The following TTLL6 variants were observed in gnomAD, a reference collection of about 807,000 sequenced individuals.
TTLL6 encodes tubulin tyrosine ligase like 6, also known as tubulin polyglutamylase TTLL6.
TTLL6 carries 75 observed loss-of-function variants against 96.4 expected under a neutral mutation model. The ratio of observed to expected loss-of-function variants is 0.78; its 90% CI spans 0.65 to 0.94. The LOEUF is 0.94. TTLL6 is among the 40% of genes least tolerant of loss of function. The probability of loss-of-function intolerance (pLI) is 0.00; values close to 1 mark genes in which losing one functional copy is unlikely to be tolerated. For missense variants in TTLL6, 1,030 were observed against 1,093.0 expected (o/e 0.94, Z 0.81); for synonymous variants, 411 against 419.4 (o/e 0.98, Z 0.24).
chr17:48,794,690 C>T (rs2039287668), intron 8 of TTLL6, among the ~76,000 whole-genome samples: 1 of 152,194 alleles, frequency 6.6e-6, no homozygotes, highest in Non-Finnish European at 1.5e-5. Flanking sequence ...CTTCCACATC[C>T]CCTTTAAGCA....
At chr17:48,768,890 T>G (rs1246219588) in intron 15 of TTLL6, 99 bp downstream of exon 15, 9 of 1,281,998 alleles carry the variant, frequency 7.0e-6, no homozygotes, top group Non-Finnish European at 9.9e-6. Context: ...CTGTATGTCT[T>G]TATCAATCCA....
chr17:48,780,116 A>C (rs558991118), intron 13 of TTLL6, among the ~76,000 whole-genome samples: 1 of 152,256 alleles, frequency 6.6e-6, no homozygotes, highest in African/African-American at 2.4e-5. Flanking sequence ...AGAATGAGAT[A>C]TATAATCAAA....
intron 11 of TTLL6, among the ~76,000 whole-genome samples, chr17:48,786,943 C>T (rs2039111562): frequency 6.6e-6 from 1 of 150,662 alleles, no homozygotes; most frequent in Non-Finnish European, 1.5e-5. Flanking sequence ...TAATTCTCTG[C>T]CTCAGCCTCC....
Position 48,817,218 on chromosome 17 carries a change from C to T in TTLL6, c.-146G>A, listed in dbSNP as rs955834938. 3 of 559,440 alleles carry T rather than the reference C, an allele frequency of 5.4e-6. No homozygotes were observed. The highest frequency in any genetic ancestry group is 9.0e-6 in the Non-Finnish European group (3 of 333,174). The allele number at this position is 559,440 out of a possible 1,614,324, so 34.7% of individuals were successfully genotyped here. ...CCCCTCCCTCCCGAATCCAATTAAC[C>T]GCCCAGGCGCTAGGGGAGGGGCGCG... On this transcript the variant is annotated 5_prime_UTR_variant, in exon 1 of 16. Coordinates refer to ENST00000393382, the MANE Select transcript of TTLL6 (RefSeq NM_001130918.3).
chr17:48,766,423 C>T (rs1244757925), intron 15 of TTLL6, among the ~76,000 whole-genome samples: 1 of 152,192 alleles, frequency 6.6e-6, no homozygotes, highest in Non-Finnish European at 1.5e-5. Context: ...CTAAATTCAA[C>T]GGTCAATGCA....
Position 48,785,202 on chromosome 17 carries a change from C to G in TTLL6, c.1762-1G>C, listed in dbSNP as rs200871871. ...ATACTAATGTCAATGGCTGGATGTA[C>G]TGAGGGAGGAAGAAACCACAACACA... On this transcript the variant is annotated splice_acceptor_variant, in intron 12 of 15. Coordinates refer to ENST00000393382, the MANE Select transcript of TTLL6 (RefSeq NM_001130918.3). LOFTEE classifies it high-confidence loss of function. 22 of 1,614,072 alleles carry G rather than the reference C, an allele frequency of 1.4e-5. No homozygotes were observed. The highest frequency in any genetic ancestry group is 1.7e-5 in the Non-Finnish European group (20 of 1,180,022).
intron 8 of TTLL6, chr17:48,794,086 C>A (rs541753540): frequency 6.6e-7 from 1 of 1,505,328 alleles, no homozygotes; most frequent in Non-Finnish European, 9.0e-7. Flanking sequence ...CGGGGGCACA[C>A]GGCTGCTCCA....
intron 8 of TTLL6, chr17:48,794,248 C>T: frequency 6.2e-7 from 1 of 1,613,924 alleles, no homozygotes; most frequent in Non-Finnish European, 8.5e-7. Context: ...CAGCCGAGGG[C>T]CCAGGGCCTG....
Position 48,799,639 on chromosome 17 carries a change from CT to C in TTLL6, c.732del (p.Glu246ArgfsTer3). The C allele has an allele frequency of 6.4e-7, 1 of 1,551,994 alleles. No individual in the cohort carries two copies. Among genetic ancestry groups the C allele is most frequent in the East Asian group, 2.4e-5 (1 of 40,922 alleles). ...TACAGCTGACAGATCATATCCTCCCCTGGTTTGATTTCTTTCACTGTCCGGG... is the reference window on the plus strand; with the variant it reads ...TACAGCTGACAGATCATATCCTCCCCGGTTTGATTTCTTTCACTGTCCGGG... ...FITRTVKEIKPGEDMICQLYI... is the reference protein window; with the variant it reads ...FITRTVKEIKXGEDMICQLYI... On this transcript the variant is annotated frameshift_variant, in exon 6 of 16. Coordinates refer to ENST00000393382, the MANE Select transcript of TTLL6 (RefSeq NM_001130918.3). LOFTEE classifies it high-confidence loss of function.
chr17:48,771,327 C>G (rs1211948208), intron 13 of TTLL6, among the ~76,000 whole-genome samples: 1 of 152,066 alleles, frequency 6.6e-6, no homozygotes, highest in East Asian at 1.9e-4. Flanking sequence ...ATGGATGGCT[C>G]AAATAAAAAT....
chr17:48,763,940 G>A (rs1195339058), intron 15 of TTLL6, among the ~76,000 whole-genome samples: 1 of 152,070 alleles, frequency 6.6e-6, no homozygotes, highest in Non-Finnish European at 1.5e-5. Flanking sequence ...CTCCAGCCTG[G>A]GCAACGGAGG....
chr17:48,801,310 T>C lies in TTLL6; in HGVS notation c.556A>G (p.Lys186Glu), dbSNP rs1336177342. The stretch of plus-strand genomic sequence containing the variant: ...AAGCGGAAATCTTTAGGGAACATCT[T>C]TAACATGCGGCTCATGTTCCTGGCC... ...LLARNMSRML[K>E]MFPKDFRFFP... is the part of the protein sequence containing the mutation. Residue 186 changes from lysine (K) to glutamate (E), a missense_variant, in exon 5 of 16, where the codon AAG (lysine) becomes GAG (glutamate). Physicochemically the swap from Lys to Glu is moderately conservative, Grantham distance 56. Transcript: ENST00000393382. The C allele has an allele frequency of 2.6e-5, 40 of 1,551,626 alleles. No homozygotes were observed. The highest frequency in any genetic ancestry group is 3.4e-5 in the Non-Finnish European group (39 of 1,146,986).
rs1267365576 is a variant in TTLL6, at chr17:48,801,333, G to T, written c.533C>A (p.Ala178Asp). 6 of 1,551,652 alleles carry T rather than the reference G, an allele frequency of 3.9e-6. No individual in the cohort carries two copies. The highest frequency in any genetic ancestry group is 3.9e-5 in the Admixed American group (2 of 51,006). Residue 178 changes from alanine to aspartate, a missense_variant, in exon 5 of 16, where the codon GCC (alanine) becomes GAC (aspartate). Ala to Asp is a moderately radical substitution (Grantham distance 126). Transcript: ENST00000393382. ...MSEICRKDLL[A>D]RNMSRMLKMF... ...CTTTAACATGCGGCTCATGTTCCTG[G>T]CCAGCAAGTCCTTCCGGCAGATTTC...
chr17:48,775,802 A>G (rs989220145), intron 13 of TTLL6, among the ~76,000 whole-genome samples: 10 of 151,990 alleles, frequency 6.6e-5, no homozygotes, highest in African/African-American at 2.2e-4. Flanking sequence ...TGGCCTCCCA[A>G]CGTGCTGGGA....
At chr17:48,811,555 C>T (rs761520981) in intron 1 of TTLL6, among the ~76,000 whole-genome samples, 20 of 152,174 alleles carry the variant, frequency 1.3e-4, no homozygotes, top group Admixed American at 3.9e-4. Flanking sequence ...TTTTCTTAAA[C>T]GCAGCCCACT....
chr17:48,775,698 C>T (rs928547329), intron 13 of TTLL6, among the ~76,000 whole-genome samples: 4 of 152,032 alleles, frequency 2.6e-5, no homozygotes, highest in Admixed American at 6.6e-5. Context: ...TGCACCACCA[C>T]ATCCGGTTAA....
rs71377394 is a variant in TTLL6, at chr17:48,764,410, A to C, written c.*1-1437T>G. On this transcript the variant is annotated intron_variant, in intron 15 of 15. Transcript: ENST00000393382. ...TCCATCACTTGTGTGAGGTTGGGCA[A>C]GTCATTTAACATCCTCAACCTTGAG... 3.6e-3 allele frequency among the ~76,000 whole-genome samples: 549 copies of C among 152,314 alleles called. 2 individuals carry two copies. Among genetic ancestry groups the C allele is most frequent in the African/African-American group, 0.012 (517 of 41,556 alleles).
chr17:48,809,720 G>A (rs2039552342), intron 1 of TTLL6, among the ~76,000 whole-genome samples: 1 of 152,156 alleles, frequency 6.6e-6, no homozygotes, highest in Non-Finnish European at 1.5e-5. Flanking sequence ...GCTGAGTGCA[G>A]TGCTGCATGC....
At chr17:48,791,963 C>T (rs1170349733) in intron 8 of TTLL6, among the ~76,000 whole-genome samples, 3 of 152,214 alleles carry the variant, frequency 2.0e-5, no homozygotes, top group Admixed American at 1.3e-4. Context: ...GATTCCTCAG[C>T]CTTTGGTGTT....
Sources: gnomAD v4.1 joint callset for allele counts (sites outside exome capture counted in the v4.1 genomes callset) on GRCh38, gnomAD v4.1.1 for gene constraint, MANE v1.5 for transcripts, NCBI Gene and HGNC (gene_info 2026-07-23, HGNC 2026-07-21) for gene names.